The following ZBTB20 variants were observed in gnomAD, a reference collection of about 807,000 sequenced individuals.
ZBTB20 encodes the protein zinc finger and BTB domain containing 20.
Under a neutral mutation model 56.9 loss-of-function variants are expected in ZBTB20, and 9 were observed. That is an observed-to-expected ratio of 0.16 (90% CI 0.10 to 0.28). ZBTB20 has a LOEUF of 0.28. ZBTB20 is among the 10% of genes least tolerant of loss of function. The pLI is 1.00. For missense variants in ZBTB20, 655 were observed against 1,003.0 expected (o/e 0.65, Z 4.69); for synonymous variants, 417 against 420.7 (o/e 0.99, Z 0.11).
intron 3 of ZBTB20, among the ~76,000 whole-genome samples, chr3:114,945,626 T>C (rs1328310208): frequency 1.4e-5 from 2 of 144,326 alleles, no homozygotes; most frequent in Non-Finnish European, 3.0e-5. Context: ...ACAGAAGAAA[T>C]GGGAAACATA....
At chr3:115,054,220 G>C (rs1338634257) in intron 2 of ZBTB20, among the ~76,000 whole-genome samples, 1 of 152,038 alleles carries the variant, frequency 6.6e-6, no homozygotes, top group East Asian at 1.9e-4. Flanking sequence ...AATATCAAAT[G>C]ATCTGTTTAC....
chr3:114,814,428 A>G (rs1476845773), intron 4 of ZBTB20, among the ~76,000 whole-genome samples: 2 of 152,224 alleles, frequency 1.3e-5, no homozygotes, highest in African/African-American at 2.4e-5. Context: ...TAAATTTACT[A>G]TATGATACCC....
At chr3:114,759,801 T>G (rs2108689147) in intron 5 of ZBTB20, among the ~76,000 whole-genome samples, 1 of 152,324 alleles carries the variant, frequency 6.6e-6, no homozygotes, top group East Asian at 1.9e-4. Flanking sequence ...ACACACTGTA[T>G]TAAATGCTGA....
At chr3:114,352,395 T>A (rs1055974928) in intron 10 of ZBTB20, among the ~76,000 whole-genome samples, 4 of 152,238 alleles carry the variant, frequency 2.6e-5, no homozygotes, top group Admixed American at 2.6e-4. Context: ...TATTCATAGT[T>A]AACAAATAAA....
rs1013972803 is a variant in ZBTB20, at chr3:114,960,903, C to T, written c.-456+13463G>A. Among the ~76,000 whole-genome samples, 31 of 151,978 alleles carry T rather than the reference C, an allele frequency of 2.0e-4. 1 individual carries two copies. The highest frequency in any genetic ancestry group is 6.3e-4 in the African/African-American group (26 of 41,462). ...TAGGAAGAAAATCAAGAAAGCATGA[C>T]GCCATGAAAAATAAGGGAAGAAAGC... On this transcript the variant is annotated intron_variant, in intron 3 of 11. Coordinates refer to ENST00000675478, the MANE Select transcript of ZBTB20 (RefSeq NM_001348800.3).
intron 6 of ZBTB20, among the ~76,000 whole-genome samples, chr3:114,611,704 C>T (rs2057566761): frequency 6.6e-6 from 1 of 152,076 alleles, no homozygotes; most frequent in African/African-American, 2.4e-5. Flanking sequence ...CCTTTTTGAT[C>T]CCCACAGTCA....
intron 1 of ZBTB20, among the ~76,000 whole-genome samples, chr3:115,096,883 A>G (rs1364607134): frequency 2.6e-5 from 4 of 152,256 alleles, no homozygotes; most frequent in Non-Finnish European, 5.9e-5. Context: ...AATCATTAAA[A>G]TTCAAAAATA....
At chr3:114,765,424 A>T (rs1194039047) in intron 5 of ZBTB20, among the ~76,000 whole-genome samples, 1 of 152,176 alleles carries the variant, frequency 6.6e-6, no homozygotes, top group Admixed American at 6.5e-5. Context: ...AGATGAAGGC[A>T]GAAATCAGGG....
intron 6 of ZBTB20, among the ~76,000 whole-genome samples, chr3:114,554,424 T>A (rs1577508676): frequency 6.6e-6 from 1 of 152,166 alleles, no homozygotes; most frequent in East Asian, 1.9e-4. Flanking sequence ...TCAGAAGGGC[T>A]TATCTTCAAT....
intron 2 of ZBTB20, among the ~76,000 whole-genome samples, chr3:115,019,530 T>C (rs1433561315): frequency 6.6e-6 from 1 of 151,254 alleles, no homozygotes; most frequent in Non-Finnish European, 1.5e-5. Flanking sequence ...ATGGTCTCAA[T>C]GTTAACATTA....
At chr3:114,448,167 G>A (rs1341132359) in intron 7 of ZBTB20, among the ~76,000 whole-genome samples, 1 of 151,956 alleles carries the variant, frequency 6.6e-6, no homozygotes, top group African/African-American at 2.4e-5. Flanking sequence ...CAGCTCTTCT[G>A]GCCTCTCCCC....
At chr3:114,664,166 C>T (rs1470716702) in intron 6 of ZBTB20, among the ~76,000 whole-genome samples, 3 of 152,088 alleles carry the variant, frequency 2.0e-5, no homozygotes, top group Non-Finnish European at 4.4e-5. Flanking sequence ...CCTGAGGCTA[C>T]ATATAATCTC....
chr3:114,886,677 G>A (rs1372161697), intron 4 of ZBTB20, among the ~76,000 whole-genome samples: 1 of 152,138 alleles, frequency 6.6e-6, no homozygotes, highest in Non-Finnish European at 1.5e-5. Context: ...GTGACTGTTG[G>A]TTACCTATTC....
At chr3:114,817,034 G>A (rs910500864) in intron 4 of ZBTB20, among the ~76,000 whole-genome samples, 1 of 152,114 alleles carries the variant, frequency 6.6e-6, no homozygotes, top group Non-Finnish European at 1.5e-5. Context: ...GTACAATAAT[G>A]ATAGGAAAAG....
intron 7 of ZBTB20, among the ~76,000 whole-genome samples, chr3:114,467,576 C>T (rs2092602645): frequency 2.6e-5 from 4 of 152,202 alleles, no homozygotes; most frequent in Admixed American, 2.0e-4. Flanking sequence ...CTGTACTCAT[C>T]TTTGAAAGGA....
chr3:114,985,408 TC>T (rs1253645939), intron 2 of ZBTB20, among the ~76,000 whole-genome samples: 1 of 152,098 alleles, frequency 6.6e-6, no homozygotes, highest in Non-Finnish European at 1.5e-5. Flanking sequence ...AGGTCCAAGA[TC>T]AAGTGGATGA....
intron 7 of ZBTB20, among the ~76,000 whole-genome samples, chr3:114,490,717 T>C (rs1000732317): frequency 6.6e-5 from 10 of 152,242 alleles, no homozygotes; most frequent in African/African-American, 2.4e-4. Context: ...TTCTAAATCA[T>C]CATATTTTAG....
intron 4 of ZBTB20, among the ~76,000 whole-genome samples, chr3:114,895,659 T>C (rs2074845432): frequency 6.6e-6 from 1 of 152,084 alleles, no homozygotes; most frequent in Admixed American, 6.6e-5. Flanking sequence ...GAAATTCCTA[T>C]ACTACTGATT....
intron 3 of ZBTB20, among the ~76,000 whole-genome samples, chr3:114,961,657 G>A (rs552299834): frequency 1.8e-4 from 27 of 152,166 alleles, no homozygotes; most frequent in Middle Eastern, 6.8e-3. Context: ...CAACCTTCCC[G>A]TTGTTCTTGC....
Sources: allele counts gnomAD v4.1 joint callset (sites outside exome capture counted in the v4.1 genomes callset), GRCh38; gene constraint gnomAD v4.1.1; transcripts MANE v1.5; gene names NCBI Gene and HGNC (gene_info 2026-07-23, HGNC 2026-07-21).